The following RERE variants were observed in gnomAD, a reference collection of about 807,000 sequenced individuals.
RERE encodes arginine-glutamic acid dipeptide repeats.
In RERE, 40 loss-of-function variants were observed where a neutral mutation model predicts 146.1. The observed-to-expected ratio is 0.27, with a 90% confidence interval of 0.21 to 0.36. The LOEUF (loss-of-function observed/expected upper bound fraction) is 0.36, where lower values mean the gene tolerates loss of function less well. Among genes scored for constraint, RERE ranks in the 10% least tolerant of loss-of-function variants. The pLI is 1.00. For missense variants in RERE, 1,933 were observed against 2,138.7 expected (o/e 0.90, Z 1.90); for synonymous variants, 1,003 against 866.0 (o/e 1.16, Z -2.78).
chr1:8,540,077 T>TTATA (rs1484089748), intron 7 of RERE, among the ~76,000 whole-genome samples: 26 of 151,412 alleles, frequency 1.7e-4, no homozygotes, highest in African/African-American at 6.3e-4. Context: ...GTATTATTTA[T>TTATA]TATTTATTTA....
chr1:8,664,227 C>T (rs548304111), intron 1 of RERE, among the ~76,000 whole-genome samples: 8 of 152,180 alleles, frequency 5.3e-5, no homozygotes, highest in African/African-American at 1.9e-4. Flanking sequence ...GCTGGCCACA[C>T]ACCCTCCTGG....
chr1:8,731,030 A>G (rs953068868), intron 1 of RERE, among the ~76,000 whole-genome samples: 3 of 152,192 alleles, frequency 2.0e-5, no homozygotes, highest in Non-Finnish European at 4.4e-5. Context: ...AGCTACCACA[A>G]AATTTGAAGG....
At chr1:8,803,383 T>G (rs893797380) in intron 1 of RERE, among the ~76,000 whole-genome samples, 5 of 151,942 alleles carry the variant, frequency 3.3e-5, no homozygotes, top group Non-Finnish European at 2.9e-5. Flanking sequence ...GGCAGGAGAA[T>G]CGCTTGAACC....
intron 4 of RERE, among the ~76,000 whole-genome samples, chr1:8,584,249 G>A (rs142153663): frequency 4.7e-4 from 71 of 152,136 alleles, no homozygotes; most frequent in African/African-American, 1.7e-3. Context: ...GGACTAAGGA[G>A]AAAGTAACAA....
At chr1:8,499,497 T>A (rs1263728731) in intron 8 of RERE, among the ~76,000 whole-genome samples, 1 of 152,212 alleles carries the variant, frequency 6.6e-6, no homozygotes, top group Non-Finnish European at 1.5e-5. Flanking sequence ...CACACAGGAA[T>A]GGGACCCAGT....
In RERE at chr1:8,617,287, G is replaced by C. The variant is rs183219600; in HGVS notation, c.397-2601C>G. 2.8e-4 allele frequency among the ~76,000 whole-genome samples: 38 copies of C among 137,298 alleles called. No homozygotes were observed. The East Asian group carries it at 6.7e-3, about 24-fold the overall frequency. The allele number at this position is 137,298 out of a possible 152,430, so 90.1% of individuals were successfully genotyped here. ...TGAACCCAGAGGCGGAGGCTGGAAA[G>C]AGCTGAGATCGTGCCATTGCACTCC... On this transcript the variant is annotated intron_variant, in intron 3 of 22. Coordinates refer to ENST00000400908, the MANE Select transcript of RERE (RefSeq NM_001042681.2).
intron 12 of RERE, among the ~76,000 whole-genome samples, chr1:8,398,487 C>A (rs1643134082): frequency 6.6e-6 from 1 of 152,232 alleles, no homozygotes; most frequent in Non-Finnish European, 1.5e-5. Context: ...AAAATAAGAT[C>A]CTCTTCTATT....
chr1:8,745,081 A>G (rs1640393163), intron 1 of RERE, among the ~76,000 whole-genome samples: 1 of 152,080 alleles, frequency 6.6e-6, no homozygotes, highest in Admixed American at 6.6e-5. Flanking sequence ...CTGTATCCTC[A>G]CCCAAATCTC....
chr1:8,624,303 C>T lies in RERE; in HGVS notation c.396+7G>A, dbSNP rs780200398. ...AGCAGAGTGAACAGCACATTAAAAA[C>T]GCTTACCAGTTTGAAGTCTTGAATG... On this transcript the variant is annotated splice_region_variant and intron_variant, in intron 3 of 22. Coordinates refer to ENST00000400908, the MANE Select transcript of RERE (RefSeq NM_001042681.2). The T allele has an allele frequency of 3.1e-6, 5 of 1,604,612 alleles. No homozygotes were observed. Among genetic ancestry groups the T allele is most frequent in the South Asian group, 1.1e-5 (1 of 90,812 alleles).
chr1:8,782,669 G>A (rs1641186466), intron 1 of RERE, among the ~76,000 whole-genome samples: 1 of 152,206 alleles, frequency 6.6e-6, no homozygotes, highest in Admixed American at 6.5e-5. Flanking sequence ...ACTTTGGGAG[G>A]CCGAGGTGGG....
intron 12 of RERE, among the ~76,000 whole-genome samples, chr1:8,422,155 T>C (rs145122756): frequency 6.6e-6 from 1 of 152,210 alleles, no homozygotes; most frequent in Non-Finnish European, 1.5e-5. Flanking sequence ...AAATACTAAG[T>C]AGTTTTTTGT....
chr1:8,764,900 T>C (rs1039697793), intron 1 of RERE, among the ~76,000 whole-genome samples: 1 of 152,180 alleles, frequency 6.6e-6, no homozygotes, highest in African/African-American at 2.4e-5. Flanking sequence ...GCTAGTAAAA[T>C]TGTAACATGG....
At chr1:8,573,571 G>A (rs746849101) in intron 4 of RERE, among the ~76,000 whole-genome samples, 1 of 152,030 alleles carries the variant, frequency 6.6e-6, no homozygotes, top group Non-Finnish European at 1.5e-5. Context: ...GTCATTTCCA[G>A]TTTTCCACCA....
chr1:8,437,123 A>C (rs1644180348), intron 11 of RERE, among the ~76,000 whole-genome samples: 1 of 152,214 alleles, frequency 6.6e-6, no homozygotes. Context: ...GAATTCGACC[A>C]AATGCCAAAG....
chr1:8,587,404 TC>T (rs1026890513), intron 4 of RERE, among the ~76,000 whole-genome samples: 2 of 152,174 alleles, frequency 1.3e-5, no homozygotes, highest in African/African-American at 4.8e-5. Flanking sequence ...TCCACTGAAT[TC>T]TAACTGTTCC....
At chr1:8,484,354 C>A (rs1644871342) in intron 10 of RERE, among the ~76,000 whole-genome samples, 1 of 152,026 alleles carries the variant, frequency 6.6e-6, no homozygotes, top group African/African-American at 2.4e-5. Context: ...CACACAAGAT[C>A]TTTCTGGGGA....
intron 4 of RERE, among the ~76,000 whole-genome samples, chr1:8,613,489 T>C (rs1389289041): frequency 1.3e-5 from 2 of 152,164 alleles, no homozygotes; most frequent in African/African-American, 2.4e-5. Context: ...ATGAAAAACA[T>C]ACCCAGCTCC....
At chr1:8,618,725 C>G (rs1817367) in intron 3 of RERE, among the ~76,000 whole-genome samples, 1 of 152,256 alleles carries the variant, frequency 6.6e-6, no homozygotes, top group East Asian at 1.9e-4. Flanking sequence ...TAAGTCGCTA[C>G]CTGATGATAT....
Position 8,354,940 on chromosome 1 carries a change from T to C in RERE, c.*147A>G, listed in dbSNP as rs1470721320. 1 of 676,722 alleles carries C rather than the reference T, an allele frequency of 1.5e-6. No homozygotes were observed. The highest frequency in any genetic ancestry group is 2.5e-6 in the Non-Finnish European group (1 of 397,346). The allele number at this position is 676,722 out of a possible 1,614,324, so 41.9% of individuals were successfully genotyped here. A position where few individuals can be genotyped will look rare whatever the true frequency, so the allele number is the denominator to read the frequency against. ...CGACAAACGAACACTACTATGTGGA[T>C]ACATTTTTAGTTGTGGGTTTTTAAA... On this transcript the variant is annotated 3_prime_UTR_variant, in exon 23 of 23. Coordinates refer to ENST00000400908, the MANE Select transcript of RERE (RefSeq NM_001042681.2).
Sources: allele counts gnomAD v4.1 joint callset (sites outside exome capture counted in the v4.1 genomes callset), GRCh38; gene constraint gnomAD v4.1.1; transcripts MANE v1.5; gene names NCBI Gene and HGNC (gene_info 2026-07-23, HGNC 2026-07-21).